The following IER2 variants were observed in gnomAD, a reference collection of about 807,000 sequenced individuals.
IER2 encodes immediate early response 2, also known as immediate early response gene 2 protein.
For synonymous variants in IER2, 198 were observed against 149.6 expected (o/e 1.32, Z -2.36); for missense variants, 372 against 325.4 (o/e 1.14, Z -1.10).
chr19:13,153,370 C>G lies in IER2; in HGVS notation c.184C>G (p.Pro62Ala). ...VEALEPEVSLPAALPSDPRLH... is the reference protein window; with the variant it reads ...VEALEPEVSLAAALPSDPRLH... The stretch of plus-strand genomic sequence containing the variant: ...GGCCCTCGAGCCCGAGGTGTCGTTG[C>G]CGGCCGCCCTCCCCTCTGACCCTCG... The change falls in exon 2 of 2, where the codon CCG becomes GCG. Residue 62 changes from proline to alanine, a missense_variant. Physicochemically the swap from Pro to Ala is conservative, Grantham distance 27. Transcript: ENST00000292433. 1 of 1,590,628 alleles carries G rather than the reference C, an allele frequency of 6.3e-7. No individual in the cohort carries two copies. Among genetic ancestry groups the G allele is most frequent in the Non-Finnish European group, 8.5e-7 (1 of 1,170,300 alleles).
chr19:13,151,807 C>CCCG (rs1555724839), intron 1 of IER2, among the ~76,000 whole-genome samples: 1 of 149,818 alleles, frequency 6.7e-6, no homozygotes, highest in African/African-American at 2.5e-5. Context: ...CCGCGCCCCC[C>CCCG]CCCCGGAAGC....
rs749446752 is a variant in IER2 at position 13,153,422 on chromosome 19, C to T, written c.236C>T (p.Ser79Phe). 9 of 1,593,038 alleles carry T rather than the reference C, an allele frequency of 5.6e-6. No individual in the cohort carries two copies. The highest frequency in any genetic ancestry group is 1.7e-4 in the Middle Eastern group (1 of 6,014). ...PRLHPPREAE[S>F]TAETATPDGE... ...CTGCACCCGCCCCGAGAAGCCGAGTCCACGGCCGAGACAGCGACCCCCGAC... is the reference window on the plus strand; with the variant it reads ...CTGCACCCGCCCCGAGAAGCCGAGTTCACGGCCGAGACAGCGACCCCCGAC... Residue 79 changes from serine (S) to phenylalanine (F), a missense_variant, in exon 2 of 2, where the codon TCC (serine) becomes TTC (phenylalanine). Ser to Phe is a radical substitution (Grantham distance 155, BLOSUM62 -2). Transcript: ENST00000292433.
At chr19:13,151,707 G>A (rs1000264223) in intron 1 of IER2, among the ~76,000 whole-genome samples, 9 of 152,230 alleles carry the variant, frequency 5.9e-5, no homozygotes, top group Non-Finnish European at 1.0e-4. Context: ...CGGCTGGAAT[G>A]CGAGTCAGGA....
At position 13,150,466 on chromosome 19, in the gene IER2, C is replaced by T. The variant is rs1454788423; in HGVS notation, c.-330C>T. The T allele has an allele frequency of 5.4e-6, 2 of 369,076 alleles. No homozygotes were observed. The highest frequency in any genetic ancestry group is 9.8e-6 in the Non-Finnish European group (2 of 203,844). The allele number at this position is 369,076 out of a possible 1,614,324, so 22.9% of individuals were successfully genotyped here. ...TGTCGGAGTTCTGTCTGGGCCTATTCGGGTCCGAGTTCGGAATTTCGGTTC... is the reference window on the plus strand; with the variant it reads ...TGTCGGAGTTCTGTCTGGGCCTATTTGGGTCCGAGTTCGGAATTTCGGTTC... On this transcript the variant is annotated 5_prime_UTR_variant, in exon 1 of 2. Coordinates refer to ENST00000292433, the MANE Select transcript of IER2 (RefSeq NM_004907.3). This position sits in a 1 kb window ranked among gnomAD's most constrained non-coding sequence, Gnocchi z 4.0.
rs1485556870 is a variant in IER2, at chr19:13,150,961, T to C, written c.-244+409T>C. Among the ~76,000 whole-genome samples, 1 of 151,268 alleles carries C rather than the reference T, an allele frequency of 6.6e-6. No individual in the cohort carries two copies. Among genetic ancestry groups the C allele is most frequent in the Non-Finnish European group, 1.5e-5 (1 of 67,774 alleles). On this transcript the variant is annotated intron_variant, in intron 1 of 1. Coordinates refer to ENST00000292433, the MANE Select transcript of IER2 (RefSeq NM_004907.3). The surrounding 1 kb of genome is among the most constrained non-coding windows in gnomAD (Gnocchi z 4.0). Reference sequence around the variant, plus strand: ...CGCGGAGTCTTTCTGGGTGCGAGCCTGGGGGTAGCGGGTGGTGGCTTTGAG... The same window carrying C: ...CGCGGAGTCTTTCTGGGTGCGAGCCCGGGGGTAGCGGGTGGTGGCTTTGAG...
At position 13,153,246 on chromosome 19, in the gene IER2, C is replaced by T. The variant is rs1434323204; in HGVS notation, c.60C>T (p.His20=). The T allele has an allele frequency of 1.3e-6, 2 of 1,574,884 alleles. No individual in the cohort carries two copies. The highest frequency in any genetic ancestry group is 1.4e-5 in the African/African-American group (1 of 73,478). The change falls in exon 2 of 2, where the codon CAC becomes CAT. Residue 20 remains histidine (H), a synonymous_variant. Transcript: ENST00000292433. ...IMTLSVWKMY[H]SRMQRGGLRL... The stretch of plus-strand genomic sequence containing the variant: ...CCCTGTCGGTGTGGAAGATGTATCA[C>T]TCCCGCATGCAGCGCGGTGGCCTGC...
rs900027888 is a variant in IER2 at position 13,150,707 on chromosome 19, C to T, written c.-244+155C>T. 1.2e-4 allele frequency among the ~76,000 whole-genome samples: 18 copies of T among 152,168 alleles called. No individual in the cohort carries two copies. The highest frequency in any genetic ancestry group is 4.3e-4 in the African/African-American group (18 of 41,432). ...CCCGAGTGTCAGGTTTGGCTAGGGT[C>T]TGGGGGAGAGGTGGTCCTCCCTTCT... On this transcript the variant is annotated intron_variant, in intron 1 of 1. Coordinates refer to ENST00000292433, the MANE Select transcript of IER2 (RefSeq NM_004907.3). The surrounding 1 kb of genome is among the most constrained non-coding windows in gnomAD (Gnocchi z 4.0).
rs544211386 is a variant in IER2 at position 13,153,045 on chromosome 19, G to A, written c.-142G>A. 282 of 534,938 alleles carry A rather than the reference G, an allele frequency of 5.3e-4. 1 individual carries two copies. Among genetic ancestry groups the A allele is most frequent in the Admixed American group, 1.1e-3 (29 of 25,394 alleles). 33.1% of individuals were successfully genotyped at this position (534,938 alleles called of 1,614,324 possible). Reference sequence around the variant, plus strand: ...GGGTATAAAAGGGCCTGGGTGGCGGGCGCCTGGGCAGAGCGTCCTAGCAGT... The same window carrying A: ...GGGTATAAAAGGGCCTGGGTGGCGGACGCCTGGGCAGAGCGTCCTAGCAGT... On this transcript the variant is annotated 5_prime_UTR_variant, in exon 2 of 2. Coordinates refer to ENST00000292433, the MANE Select transcript of IER2 (RefSeq NM_004907.3).
In IER2 at chr19:13,154,796, T is replaced by A. The variant is rs2020109203; in HGVS notation, c.*938T>A. 1 of 167,068 alleles carries A rather than the reference T, an allele frequency of 6.0e-6. No homozygotes were observed. The highest frequency in any genetic ancestry group is 1.9e-4 in the East Asian group (1 of 5,202). The allele number at this position is 167,068 out of a possible 1,614,324, so 10.3% of individuals were successfully genotyped here. On this transcript the variant is annotated 3_prime_UTR_variant, in exon 2 of 2. Coordinates refer to ENST00000292433, the MANE Select transcript of IER2 (RefSeq NM_004907.3). ...GAGGGGAACATCCTTGCCAGGGAGT[T>A]TCTGAGGGTCTGCTTTGTTTACCTT...
Position 13,154,173 on chromosome 19 carries a change from A to G in IER2, c.*315A>G. ...TTTCGCTCTCCTTCTGGACTGGGAG[A>G]AGGGAGGCTTGGGTGTTGTGTTTTT... On this transcript the variant is annotated 3_prime_UTR_variant, in exon 2 of 2. Coordinates refer to ENST00000292433, the MANE Select transcript of IER2 (RefSeq NM_004907.3). 2.6e-6 allele frequency: 1 copy of G among 386,278 alleles called. No individual in the cohort carries two copies. The highest frequency in any genetic ancestry group is 8.3e-5 in the South Asian group (1 of 12,070). The allele number at this position is 386,278 out of a possible 1,614,324, so 23.9% of individuals were successfully genotyped here.
Position 13,153,883 on chromosome 19 carries a change from C to T in IER2, c.*25C>T. 2 of 1,401,730 alleles carry T rather than the reference C, an allele frequency of 1.4e-6. No homozygotes were observed. The highest frequency in any genetic ancestry group is 1.8e-6 in the Non-Finnish European group (2 of 1,082,604). 86.8% of individuals were successfully genotyped at this position (1,401,730 alleles called of 1,614,324 possible). A position where few individuals can be genotyped will look rare whatever the true frequency, so the allele number is the denominator to read the frequency against. ...AGGACCCCGAGCGGCGCTGCCGGAG[C>T]CCAGAGCGCGCGTCGAACCGTCGGC... On this transcript the variant is annotated 3_prime_UTR_variant, in exon 2 of 2. Transcript: ENST00000292433.
Position 13,153,795 on chromosome 19 carries a change from G to A in IER2, c.609G>A (p.Lys203=). Residue 203 remains lysine (K), a synonymous_variant, in exon 2 of 2, where the codon AAG becomes AAA. Coordinates refer to ENST00000292433, the MANE Select transcript of IER2 (RefSeq NM_004907.3). ...CGGCGCCGCCCGCGTGCGAGGCAAAGCCCGCTTGCCGCCCGGCGGACAGCA... is the reference window on the plus strand; with the variant it reads ...CGGCGCCGCCCGCGTGCGAGGCAAAACCCGCTTGCCGCCCGGCGGACAGCA... ...PPTAPPACEA[K]PACRPADSML... is the part of the protein sequence containing the mutation. 6.6e-7 allele frequency: 1 copy of A among 1,520,638 alleles called. No homozygotes were observed. Among genetic ancestry groups the A allele is most frequent in the Non-Finnish European group, 8.8e-7 (1 of 1,141,142 alleles). 94.2% of individuals were successfully genotyped at this position (1,520,638 alleles called of 1,614,324 possible).
intron 1 of IER2, chr19:13,152,440 A>C (rs1001968013): frequency 6.6e-6 from 1 of 152,292 alleles, no homozygotes; most frequent in African/African-American, 2.4e-5. Context: ...TCACAGCAGT[A>C]GCAAATATTG....
At position 13,153,577 on chromosome 19, in the gene IER2, G is replaced by C; in HGVS notation, c.391G>C (p.Gly131Arg). The C allele has an allele frequency of 6.2e-7, 1 of 1,601,544 alleles. No individual in the cohort carries two copies. Among genetic ancestry groups the C allele is most frequent in the Non-Finnish European group, 8.5e-7 (1 of 1,174,564 alleles). The change falls in exon 2 of 2, where the codon GGG (glycine) becomes CGG (arginine). Residue 131 changes from glycine to arginine, a missense_variant. Physicochemically the swap from Gly to Arg is moderately radical, Grantham distance 125. Transcript: ENST00000292433. ...KRRSSSLSDG[G>R]DAGLVPSKKA... ...ACGCAGCAGCAGCCTGAGCGACGGCGGGGACGCTGGACTGGTCCCGAGCAA... is the reference window on the plus strand; with the variant it reads ...ACGCAGCAGCAGCCTGAGCGACGGCCGGGACGCTGGACTGGTCCCGAGCAA...
chr19:13,153,720 G>A lies in IER2; in HGVS notation c.534G>A (p.Leu178=), dbSNP rs749847511. Residue 178 remains leucine, a synonymous_variant, in exon 2 of 2, where the codon CTG becomes CTA. Transcript: ENST00000292433. ...EGAFPNLARV[L]QRRFSGLLNC... Reference sequence around the variant, plus strand: ...CCTTTCCCAACCTGGCCCGCGTCCTGCAGAGGCGCTTCTCCGGCCTCCTGA... The same window carrying A: ...CCTTTCCCAACCTGGCCCGCGTCCTACAGAGGCGCTTCTCCGGCCTCCTGA... 8 of 1,608,384 alleles carry A rather than the reference G, an allele frequency of 5.0e-6. No individual in the cohort carries two copies. In the East Asian group the frequency reaches 1.6e-4, roughly 31 times the overall value.
chr19:13,150,484 T>G lies in IER2; in HGVS notation c.-312T>G. 1 of 326,596 alleles carries G rather than the reference T, an allele frequency of 3.1e-6. No individual in the cohort carries two copies. Among genetic ancestry groups the G allele is most frequent in the Non-Finnish European group, 5.6e-6 (1 of 177,180 alleles). The allele number at this position is 326,596 out of a possible 1,614,324, so 20.2% of individuals were successfully genotyped here. On this transcript the variant is annotated 5_prime_UTR_variant, in exon 1 of 2. The change creates a new upstream start codon in the 5' untranslated region. Transcript: ENST00000292433. This position sits in a 1 kb window ranked among gnomAD's most constrained non-coding sequence, Gnocchi z 4.0. ...GCCTATTCGGGTCCGAGTTCGGAAT[T>G]TCGGTTCAAGGCCCAGTTCCTCGGA...
chr19:13,153,485 A>G lies in IER2; in HGVS notation c.299A>G (p.Glu100Gly), dbSNP rs1224705407. The G allele has an allele frequency of 3.1e-6, 5 of 1,587,924 alleles. No homozygotes were observed. The African/African-American group carries it at 4.0e-5, about 13-fold the overall frequency. Reference protein sequence around the residue: ...HPFPEPMDTQEAPTAEETSAC... With the variant: ...HPFPEPMDTQGAPTAEETSAC... ...TTTCCGGAGCCAATGGACACGCAGGAGGCGCCGACAGCCGAGGAGACCTCC... is the reference window on the plus strand; with the variant it reads ...TTTCCGGAGCCAATGGACACGCAGGGGGCGCCGACAGCCGAGGAGACCTCC... The change falls in exon 2 of 2, where the codon GAG becomes GGG. Residue 100 changes from glutamate to glycine, a missense_variant. Physicochemically the swap from Glu to Gly is moderately conservative, Grantham distance 98 (BLOSUM62 -2). Coordinates refer to ENST00000292433, the MANE Select transcript of IER2 (RefSeq NM_004907.3).
Position 13,154,064 on chromosome 19 carries a change from C to A in IER2, c.*206C>A. ...CGCCTTCAGTGTGCAGGGACGGCACCGAGGAGTCTGAGCCGGGGGCGCGGG... is the reference window on the plus strand; with the variant it reads ...CGCCTTCAGTGTGCAGGGACGGCACAGAGGAGTCTGAGCCGGGGGCGCGGG... On this transcript the variant is annotated 3_prime_UTR_variant, in exon 2 of 2. Coordinates refer to ENST00000292433, the MANE Select transcript of IER2 (RefSeq NM_004907.3). 1 of 520,824 alleles carries A rather than the reference C, an allele frequency of 1.9e-6. No homozygotes were observed. The highest frequency in any genetic ancestry group is 3.4e-6 in the Non-Finnish European group (1 of 297,490). The allele number at this position is 520,824 out of a possible 1,614,324, so 32.3% of individuals were successfully genotyped here. A position where few individuals can be genotyped will look rare whatever the true frequency, so the allele number is the denominator to read the frequency against.
chr19:13,153,002 T>G lies in IER2; in HGVS notation c.-185T>G, dbSNP rs555115183. 82 of 429,436 alleles carry G rather than the reference T, an allele frequency of 1.9e-4. 1 individual carries two copies. The East Asian group carries it at 2.9e-3, about 15-fold the overall frequency. 26.6% of individuals were successfully genotyped at this position (429,436 alleles called of 1,614,324 possible). On this transcript the variant is annotated 5_prime_UTR_variant, in exon 2 of 2. Coordinates refer to ENST00000292433, the MANE Select transcript of IER2 (RefSeq NM_004907.3). ...ATGCGTCCTTCGGTTGGGCGGGGTGTCTCAGTGACGTCACTGGGGGTATAA... is the reference window on the plus strand; with the variant it reads ...ATGCGTCCTTCGGTTGGGCGGGGTGGCTCAGTGACGTCACTGGGGGTATAA...
Sources: allele counts gnomAD v4.1 joint callset (sites outside exome capture counted in the v4.1 genomes callset), GRCh38; gene constraint gnomAD v4.1.1; non-coding constraint Gnocchi (gnomAD v3.1); transcripts MANE v1.5; gene names NCBI Gene and HGNC (gene_info 2026-07-23, HGNC 2026-07-21).